The following ARHGEF38 variants were observed in gnomAD, a reference collection of about 807,000 sequenced individuals.
The protein encoded by ARHGEF38 is Rho guanine nucleotide exchange factor (GEF) 38.
In ARHGEF38, 79 loss-of-function variants were observed where a neutral mutation model predicts 79.9. That is an observed-to-expected ratio of 0.99 (90% CI 0.82 to 1.19). The LOEUF (loss-of-function observed/expected upper bound fraction) is 1.19, where lower values mean the gene tolerates loss of function less well. ARHGEF38 is among the 50% of genes most tolerant of loss of function. The pLI, the probability that ARHGEF38 is intolerant of heterozygous loss-of-function variation, is 0.00. For synonymous variants in ARHGEF38, 366 were observed against 328.3 expected (o/e 1.11, Z -1.24); for missense variants, 962 against 907.2 (o/e 1.06, Z -0.78).
At chr4:105,599,545 T>A (rs1213630197) in intron 2 of ARHGEF38, among the ~76,000 whole-genome samples, 1 of 151,994 alleles carries the variant, frequency 6.6e-6, no homozygotes, top group African/African-American at 2.4e-5. Context: ...TTTAATTTGC[T>A]TTTTTTTGTG....
chr4:105,623,043 G>A (rs1387686902), intron 3 of ARHGEF38, among the ~76,000 whole-genome samples: 1 of 152,140 alleles, frequency 6.6e-6, no homozygotes, highest in Non-Finnish European at 1.5e-5. Context: ...ACATGCATTT[G>A]TTCATCTTTT....
At chr4:105,561,484 A>AGAATAGAATAGAATAGAATG (rs1725599864) in intron 1 of ARHGEF38, 2 of 59,870 alleles carry the variant, frequency 3.3e-5, no homozygotes, top group Non-Finnish European at 7.9e-5. Context: ...AGAATAGAAT[A>AGAATAGAATAGAATAGAATG]GAATAGAATA....
chr4:105,681,281 C>A (rs1731301916), downstream of ARHGEF38, among the ~76,000 whole-genome samples: 1 of 150,310 alleles, frequency 6.7e-6, no homozygotes, highest in Admixed American at 6.6e-5. Flanking sequence ...AAATAATAAT[C>A]TTTCCTTAAA....
At chr4:105,667,393 G>A in intron 12 of ARHGEF38, 51 bp from the exon 13 acceptor site, 1 of 1,533,084 alleles carries the variant, frequency 6.5e-7, no homozygotes, top group African/African-American at 1.4e-5. Context: ...ACATGTTTGG[G>A]AAGAGTATAC....
intron 9 of ARHGEF38, among the ~76,000 whole-genome samples, chr4:105,656,687 T>G (rs1730341072): frequency 6.6e-6 from 1 of 152,170 alleles, no homozygotes; most frequent in Non-Finnish European, 1.5e-5. Flanking sequence ...GTGTTGGCAT[T>G]ATAGGCATTT....
At chr4:105,663,334 A>G (rs1730631036) in intron 10 of ARHGEF38, among the ~76,000 whole-genome samples, 1 of 152,164 alleles carries the variant, frequency 6.6e-6, no homozygotes, top group South Asian at 2.1e-4. Context: ...AAAAACCACA[A>G]TTTACCATTA....
rs1199588912 is a variant in ARHGEF38 at position 105,589,212 on chromosome 4, C to A, written c.197-36C>A. ...GTAATGAAGGAAAAAGAAACCTCAGCAGAATGCCTCACCTGTATATGTTTT... is the reference window on the plus strand; with the variant it reads ...GTAATGAAGGAAAAAGAAACCTCAGAAGAATGCCTCACCTGTATATGTTTT... On this transcript the variant is annotated intron_variant, in intron 1 of 13. Coordinates refer to ENST00000420470, the MANE Select transcript of ARHGEF38 (RefSeq NM_001242729.2). 7 of 1,545,540 alleles carry A rather than the reference C, an allele frequency of 4.5e-6. No individual in the cohort carries two copies. In the East Asian group the frequency reaches 1.1e-4, roughly 25 times the overall value.
chr4:105,672,200 G>A (rs1730978792), intron 13 of ARHGEF38, among the ~76,000 whole-genome samples: 1 of 152,136 alleles, frequency 6.6e-6, no homozygotes, highest in African/African-American at 2.4e-5. Flanking sequence ...GAAATATTGT[G>A]CTTATTTGCA....
chr4:105,611,311 A>G (rs1393435963), intron 2 of ARHGEF38, among the ~76,000 whole-genome samples: 2 of 152,128 alleles, frequency 1.3e-5, no homozygotes, highest in Admixed American at 6.6e-5. Context: ...ATTTTAAGAA[A>G]TATACAATCA....
chr4:105,576,403 T>A (rs1448908799), intron 1 of ARHGEF38, among the ~76,000 whole-genome samples: 2 of 118,464 alleles, frequency 1.7e-5, no homozygotes, highest in African/African-American at 5.8e-5. Context: ...AATTTTCTTT[T>A]CTTCTTTTTT....
chr4:105,589,192 G>A (rs970393997), intron 1 of ARHGEF38, 56 bp from the exon 2 acceptor site: 153 of 1,446,296 alleles, frequency 1.1e-4, no homozygotes, highest in Non-Finnish European at 1.4e-4. Flanking sequence ...TGTTTGTAAT[G>A]AAGGAAAAAG....
At chr4:105,625,440 G>A (rs1038116812) in intron 3 of ARHGEF38, among the ~76,000 whole-genome samples, 1 of 152,230 alleles carries the variant, frequency 6.6e-6, no homozygotes, top group Non-Finnish European at 1.5e-5. Context: ...AAAGTCTGAA[G>A]GGGATGTGTT....
intron 2 of ARHGEF38, among the ~76,000 whole-genome samples, chr4:105,604,869 A>G (rs1177923475): frequency 6.6e-6 from 1 of 152,198 alleles, no homozygotes; most frequent in East Asian, 1.9e-4. Context: ...TGACATGGAT[A>G]CATTAAAAAA....
intron 3 of ARHGEF38, among the ~76,000 whole-genome samples, chr4:105,620,584 G>A (rs1728698269): frequency 6.6e-6 from 1 of 152,112 alleles, no homozygotes; most frequent in African/African-American, 2.4e-5. Context: ...TTTTCTTAGA[G>A]GTCCTGATCA....
chr4:105,561,449 GGAATAGAATAGAATA>G lies in ARHGEF38; in HGVS notation c.196+8567_196+8581del, dbSNP rs1163338378. The G allele has an allele frequency of 7.9e-3, 361 of 45,480 alleles. 14 individuals carry two copies. Among genetic ancestry groups the G allele is most frequent in the Middle Eastern group, 0.011 (1 of 92 alleles). 2.8% of individuals were successfully genotyped at this position (45,480 alleles called of 1,614,324 possible). ...GGAATAGAATAGAATAGAATAGAAT[GGAATAGAATAGAATA>G]GAATAGAATAGAATAGAATAGAATA... On this transcript the variant is annotated intron_variant, in intron 1 of 13. Transcript: ENST00000420470.
At chr4:105,571,346 G>T (rs1236809194) in intron 1 of ARHGEF38, among the ~76,000 whole-genome samples, 4 of 136,806 alleles carry the variant, frequency 2.9e-5, no homozygotes, top group African/African-American at 1.1e-4. Flanking sequence ...TTTTTGAGAC[G>T]GAGTCTCACT....
intron 3 of ARHGEF38, among the ~76,000 whole-genome samples, chr4:105,627,795 G>A (rs762200316): frequency 6.6e-6 from 1 of 152,074 alleles, no homozygotes; most frequent in Admixed American, 6.6e-5. Flanking sequence ...AAATGCAGCC[G>A]AGAGTTATGT....
At chr4:105,613,536 A>G (rs1300059387) in intron 3 of ARHGEF38, 29 bp downstream of exon 3, 3 of 1,604,334 alleles carry the variant, frequency 1.9e-6, no homozygotes, top group South Asian at 2.2e-5. Flanking sequence ...CGAGTTCTAC[A>G]ATACAACAGG....
intron 5 of ARHGEF38, among the ~76,000 whole-genome samples, chr4:105,642,393 A>G (rs1729656018): frequency 6.6e-6 from 1 of 152,196 alleles, no homozygotes; most frequent in Non-Finnish European, 1.5e-5. Context: ...ACAATCATGT[A>G]TAAATACTAT....
Sources: allele counts gnomAD v4.1 joint callset (sites outside exome capture counted in the v4.1 genomes callset), GRCh38; gene constraint gnomAD v4.1.1; transcripts MANE v1.5; gene names NCBI Gene and HGNC (gene_info 2026-07-23, HGNC 2026-07-21).